The following GXYLT1 variants were observed in gnomAD, a reference collection of about 807,000 sequenced individuals.
The protein encoded by GXYLT1 is glycosyltransferase 8 domain containing 3.
A neutral mutation model predicts 54.0 loss-of-function variants in GXYLT1; 29 were observed. That is an observed-to-expected ratio of 0.54 (90% CI 0.40 to 0.73). The LOEUF is 0.73. GXYLT1 is among the 30% of genes least tolerant of loss of function. The pLI is 0.00. For missense variants in GXYLT1, 490 were observed against 553.4 expected, an observed-to-expected ratio of 0.89 and a Z score of 1.15; for synonymous variants, 176 against 204.1, an observed-to-expected ratio of 0.86 and a Z score of 1.17.
At chr12:42,115,704 C>T (rs1178495480) in intron 3 of GXYLT1, among the ~76,000 whole-genome samples, 8 of 151,806 alleles carry the variant, frequency 5.3e-5, no homozygotes, top group Non-Finnish European at 1.2e-4. Context: ...GGCCATACTG[C>T]CCAAGGTAAT....
intron 3 of GXYLT1, among the ~76,000 whole-genome samples, chr12:42,111,241 G>A (rs2065452559): frequency 6.6e-6 from 1 of 152,228 alleles, no homozygotes; most frequent in African/African-American, 2.4e-5. Flanking sequence ...TTCCAACTGA[G>A]GTACCGGGTT....
At chr12:42,091,376 A>G (rs2065328372) in intron 7 of GXYLT1, among the ~76,000 whole-genome samples, 1 of 152,152 alleles carries the variant, frequency 6.6e-6, no homozygotes, top group Admixed American at 6.5e-5. Flanking sequence ...CAAAGAAAAG[A>G]TCAAATAAAA....
chr12:42,123,984 T>C (rs573804066), intron 2 of GXYLT1, among the ~76,000 whole-genome samples: 4 of 149,614 alleles, frequency 2.7e-5, no homozygotes, highest in African/African-American at 9.8e-5. Flanking sequence ...TAAATTATCA[T>C]ACCAGGCAAA....
chr12:42,118,840 A>G (rs542669676), intron 3 of GXYLT1, among the ~76,000 whole-genome samples, 160 bp downstream of exon 3: 17 of 152,186 alleles, frequency 1.1e-4, no homozygotes, highest in Non-Finnish European at 2.2e-4. Context: ...AGGCCTCTCC[A>G]GCAATGCTGA....
At chr12:42,112,145 C>A (rs1014038272) in intron 3 of GXYLT1, among the ~76,000 whole-genome samples, 1 of 152,088 alleles carries the variant, frequency 6.6e-6, no homozygotes, top group Admixed American at 6.5e-5. Flanking sequence ...CCCCTCTGTA[C>A]GTCACCATCA....
chr12:42,107,841 G>C (rs938032326), intron 4 of GXYLT1, among the ~76,000 whole-genome samples: 1 of 152,102 alleles, frequency 6.6e-6, no homozygotes, highest in Non-Finnish European at 1.5e-5. Flanking sequence ...TAGCAGAGTA[G>C]GAAGAAGCTA....
At chr12:42,126,073 C>CTTTTTT (rs35070036) in intron 2 of GXYLT1, among the ~76,000 whole-genome samples, 2 of 135,254 alleles carry the variant, frequency 1.5e-5, no homozygotes, top group African/African-American at 5.5e-5. Flanking sequence ...CCAGTAGGAA[C>CTTTTTT]TTTTTTTTTT....
chr12:42,123,837 G>A (rs1233020225), intron 2 of GXYLT1, among the ~76,000 whole-genome samples: 7 of 151,260 alleles, frequency 4.6e-5, no homozygotes, highest in Admixed American at 3.3e-4. Context: ...ACTTGCAGTT[G>A]AACAAAATGG....
At chr12:42,141,640 G>A (rs2065653013) in intron 1 of GXYLT1, among the ~76,000 whole-genome samples, 1 of 151,686 alleles carries the variant, frequency 6.6e-6, no homozygotes, top group Admixed American at 6.6e-5. Context: ...CAAGTTCTAT[G>A]CCTTAAACAT....
chr12:42,109,985 A>G (rs998600914), intron 3 of GXYLT1, among the ~76,000 whole-genome samples: 1 of 152,218 alleles, frequency 6.6e-6, no homozygotes, highest in Admixed American at 6.5e-5. Flanking sequence ...GTCTTCCTCA[A>G]CTTTACCTAA....
At chr12:42,104,238 A>G (rs1265839415) in intron 5 of GXYLT1, among the ~76,000 whole-genome samples, 1 of 143,264 alleles carries the variant, frequency 7.0e-6, no homozygotes, top group Non-Finnish European at 1.5e-5. Flanking sequence ...TTTCAAATGC[A>G]GTTATTGAGA....
intron 5 of GXYLT1, among the ~76,000 whole-genome samples, chr12:42,103,497 A>G (rs2065402046): frequency 1.3e-5 from 2 of 152,238 alleles, no homozygotes. Flanking sequence ...AAAATTTAAG[A>G]TCTGTGCTAG....
At position 42,125,597 on chromosome 12, in the gene GXYLT1, G is replaced by C. The variant is rs2065556116; in HGVS notation, c.314+4162C>G. On this transcript the variant is annotated intron_variant, in intron 2 of 7. Coordinates refer to ENST00000398675, the MANE Select transcript of GXYLT1 (RefSeq NM_173601.2). ...ACAGAGCTGACAGAAAAAGGAAGTA[G>C]TAAACAGTGTCAAATGGGTAAGAGA... Among the ~76,000 whole-genome samples the C allele has an allele frequency of 1.3e-5, 2 of 152,168 alleles. 1 individual carries two copies. The highest frequency in any genetic ancestry group is 4.1e-4 in the South Asian group (2 of 4,830).
intron 5 of GXYLT1, among the ~76,000 whole-genome samples, chr12:42,101,837 G>A (rs771033095): frequency 4.6e-5 from 7 of 152,102 alleles, no homozygotes; most frequent in Non-Finnish European, 1.0e-4. Context: ...CTCCCAAAGT[G>A]CTGGGATTAC....
rs1229624430 is a variant in GXYLT1, at chr12:42,086,787, G to T, written c.*999C>A. ...GCTCTAGACATTTGCTTCTTCAAAA[G>T]TATCTTGCAAGGCCGTTATGAGGTA... On this transcript the variant is annotated 3_prime_UTR_variant, in exon 8 of 8. Coordinates refer to ENST00000398675, the MANE Select transcript of GXYLT1 (RefSeq NM_173601.2). 6.6e-6 allele frequency: 1 copy of T among 152,056 alleles called. No homozygotes were observed. Among genetic ancestry groups the T allele is most frequent in the African/African-American group, 2.4e-5 (1 of 41,424 alleles). The allele number at this position is 152,056 out of a possible 1,614,324, so 9.4% of individuals were successfully genotyped here. A position where few individuals can be genotyped will look rare whatever the true frequency, so the allele number is the denominator to read the frequency against.
chr12:42,124,846 A>G (rs2065551478), intron 2 of GXYLT1, among the ~76,000 whole-genome samples: 1 of 152,004 alleles, frequency 6.6e-6, no homozygotes, highest in Admixed American at 6.5e-5. Flanking sequence ...GTTTTAATAG[A>G]AAAAAACTGA....
chr12:42,136,039 A>G (rs1221701206), intron 1 of GXYLT1, among the ~76,000 whole-genome samples: 3 of 152,258 alleles, frequency 2.0e-5, no homozygotes, highest in African/African-American at 7.2e-5. Flanking sequence ...TTAAAAAATC[A>G]TAAAACACTT....
rs536109515 is a variant in GXYLT1 at position 42,129,648 on chromosome 12, A to G, written c.314+111T>C. On this transcript the variant is annotated intron_variant, in intron 2 of 7. Transcript: ENST00000398675. ...AATAGAAAACCCAATAAGAAAATAA[A>G]TTATTTGTATAATATCATAAGAAAC... 43 of 632,136 alleles carry G rather than the reference A, an allele frequency of 6.8e-5. No individual in the cohort carries two copies. The African/African-American group carries it at 7.5e-4, about 11-fold the overall frequency. 39.2% of individuals were successfully genotyped at this position (632,136 alleles called of 1,614,324 possible). A position where few individuals can be genotyped will look rare whatever the true frequency, so the allele number is the denominator to read the frequency against.
intron 3 of GXYLT1, among the ~76,000 whole-genome samples, chr12:42,111,999 C>A (rs1015860727): frequency 2.0e-5 from 3 of 152,194 alleles, no homozygotes; most frequent in East Asian, 1.9e-4. Context: ...TGTTCTGCAG[C>A]CACTGCTGCT....
Sources: allele counts gnomAD v4.1 joint callset (sites outside exome capture counted in the v4.1 genomes callset), GRCh38; gene constraint gnomAD v4.1.1; transcripts MANE v1.5; gene names NCBI Gene and HGNC (gene_info 2026-07-23, HGNC 2026-07-21).